SNTG1: variants seen among roughly 807,000 people sequenced by gnomAD.
SNTG1 encodes the protein syntrophin gamma 1.
A neutral mutation model predicts 74.7 loss-of-function variants in SNTG1; 39 were observed. The ratio of observed to expected loss-of-function variants is 0.52; its 90% CI spans 0.40 to 0.68. The LOEUF (loss-of-function observed/expected upper bound fraction) is 0.68, where lower values mean the gene tolerates loss of function less well. SNTG1 is among the 30% of genes least tolerant of loss of function. The probability of loss-of-function intolerance (pLI) is 0.00; values close to 1 mark genes in which losing one functional copy is unlikely to be tolerated. For synonymous variants in SNTG1, 254 were observed against 217.1 expected (o/e 1.17, Z -1.49); for missense variants, 685 against 609.5 (o/e 1.12, Z -1.30).
At chr8:50,715,032 G>C (rs1201278516) in intron 17 of SNTG1, among the ~76,000 whole-genome samples, 1 of 152,066 alleles carries the variant, frequency 6.6e-6, no homozygotes, top group Middle Eastern at 3.2e-3. Flanking sequence ...AAAATTCCAT[G>C]ATTCTAAAAA....
At chr8:50,424,000 C>T (rs139364988) in intron 4 of SNTG1, among the ~76,000 whole-genome samples, 19 of 152,226 alleles carry the variant, frequency 1.2e-4, no homozygotes, top group Middle Eastern at 3.4e-3. Flanking sequence ...ACTGATGGAA[C>T]CTGTGTTTAA....
chr8:50,401,336 T>C (rs1419183106), intron 3 of SNTG1, among the ~76,000 whole-genome samples: 1 of 152,218 alleles, frequency 6.6e-6, no homozygotes, highest in African/African-American at 2.4e-5. Context: ...ATATTTATAT[T>C]AATCCAGGTT....
At chr8:50,455,299 C>A (rs1037212208) in intron 8 of SNTG1, among the ~76,000 whole-genome samples, 1 of 152,132 alleles carries the variant, frequency 6.6e-6, no homozygotes, top group Non-Finnish European at 1.5e-5. Flanking sequence ...TTTAAAGTAG[C>A]ATTTCTGCTT....
At chr8:50,100,978 G>A (rs1223055723) in intron 1 of SNTG1, among the ~76,000 whole-genome samples, 1 of 151,852 alleles carries the variant, frequency 6.6e-6, no homozygotes, top group Non-Finnish European at 1.5e-5. Context: ...TATTTTCTTT[G>A]TGTCCACGTG....
chr8:50,452,248 A>G (rs1249285121), intron 8 of SNTG1, among the ~76,000 whole-genome samples: 1 of 152,226 alleles, frequency 6.6e-6, no homozygotes, highest in East Asian at 1.9e-4. Context: ...CATGTAAAAT[A>G]TACATATTTC....
chr8:50,509,972 A>T (rs1221130342), intron 9 of SNTG1, among the ~76,000 whole-genome samples: 1 of 152,174 alleles, frequency 6.6e-6, no homozygotes, highest in Non-Finnish European at 1.5e-5. Flanking sequence ...GAGTGGTGAG[A>T]GAGCATCCCT....
At chr8:50,036,185 T>C (rs938026903) in intron 1 of SNTG1, among the ~76,000 whole-genome samples, 3 of 152,150 alleles carry the variant, frequency 2.0e-5, no homozygotes, top group Non-Finnish European at 2.9e-5. Context: ...ATTTCACAGA[T>C]AGGCTTTGAC....
At chr8:50,627,316 A>C (rs2094962983) in intron 13 of SNTG1, among the ~76,000 whole-genome samples, 3 of 152,206 alleles carry the variant, frequency 2.0e-5, no homozygotes, top group Admixed American at 2.0e-4. Flanking sequence ...ATCATAGATA[A>C]TAAAAAACCA....
At position 50,719,891 on chromosome 8, in the gene SNTG1, T is replaced by C. The variant is rs148575763; in HGVS notation, c.1284+10913T>C. Among the ~76,000 whole-genome samples the C allele has an allele frequency of 1.8e-3, 267 of 152,334 alleles. 2 individuals carry two copies. Among genetic ancestry groups the C allele is most frequent in the Middle Eastern group, 6.8e-3 (2 of 294 alleles). On this transcript the variant is annotated intron_variant, in intron 17 of 18. Coordinates refer to ENST00000642720, the MANE Select transcript of SNTG1 (RefSeq NM_018967.5). ...TTCTCCTTAATAGATTTCAAATAAATTCTCAAAGTGAAGACCTGTATACTC... is the reference window on the plus strand; with the variant it reads ...TTCTCCTTAATAGATTTCAAATAAACTCTCAAAGTGAAGACCTGTATACTC...
intron 1 of SNTG1, among the ~76,000 whole-genome samples, chr8:50,154,719 T>G (rs560277989): frequency 6.6e-6 from 1 of 152,294 alleles, no homozygotes; most frequent in Admixed American, 6.5e-5. Flanking sequence ...ATAAATCACC[T>G]GGCCTATACT....
chr8:50,562,611 G>T (rs1294260019), intron 12 of SNTG1, among the ~76,000 whole-genome samples: 1 of 152,110 alleles, frequency 6.6e-6, no homozygotes, highest in African/African-American at 2.4e-5. Flanking sequence ...AAATGTGTGG[G>T]TTTTTCTTAA....
intron 2 of SNTG1, among the ~76,000 whole-genome samples, chr8:50,393,033 A>G (rs1425193235): frequency 1.3e-5 from 2 of 151,834 alleles, no homozygotes; most frequent in Non-Finnish European, 2.9e-5. Context: ...ACAGTTAGAG[A>G]CAAGAAGATA....
At chr8:50,188,052 G>A (rs1298744565) in intron 2 of SNTG1, among the ~76,000 whole-genome samples, 1 of 152,124 alleles carries the variant, frequency 6.6e-6, no homozygotes, top group East Asian at 1.9e-4. Context: ...TGGTGAAAGA[G>A]CCTGGCTGAC....
chr8:50,087,334 C>T (rs1563573091), intron 1 of SNTG1, among the ~76,000 whole-genome samples: 1 of 152,142 alleles, frequency 6.6e-6, no homozygotes, highest in Non-Finnish European at 1.5e-5. Context: ...AATTACCCCT[C>T]GGCTTTGGTA....
At chr8:50,470,934 T>G (rs2093648607) in intron 8 of SNTG1, among the ~76,000 whole-genome samples, 1 of 152,170 alleles carries the variant, frequency 6.6e-6, no homozygotes, top group Non-Finnish European at 1.5e-5. Context: ...AATTTGTCCA[T>G]TTTACAGAGT....
At chr8:49,913,895 C>T (rs372745761) in intron 1 of SNTG1, among the ~76,000 whole-genome samples, 29 of 152,258 alleles carry the variant, frequency 1.9e-4, no homozygotes, top group South Asian at 8.3e-4. Context: ...TGTATATGGC[C>T]GCAGTTCCCT....
chr8:50,147,804 T>C (rs1458301939), intron 1 of SNTG1, among the ~76,000 whole-genome samples: 4 of 152,328 alleles, frequency 2.6e-5, no homozygotes, highest in African/African-American at 9.6e-5. Flanking sequence ...GCATGGGATC[T>C]AGAAGCACTG....
intron 17 of SNTG1, among the ~76,000 whole-genome samples, chr8:50,719,698 T>C (rs1400581715): frequency 6.6e-6 from 1 of 152,186 alleles, no homozygotes; most frequent in African/African-American, 2.4e-5. Flanking sequence ...GTGCTGGTGC[T>C]TTCTTTACCA....
chr8:50,091,422 C>T (rs2079732665), intron 1 of SNTG1, among the ~76,000 whole-genome samples: 1 of 152,076 alleles, frequency 6.6e-6, no homozygotes, highest in Non-Finnish European at 1.5e-5. Flanking sequence ...TACATAACTT[C>T]ATTGAGAAAC....
Sources: allele counts gnomAD v4.1 joint callset (sites outside exome capture counted in the v4.1 genomes callset), GRCh38; gene constraint gnomAD v4.1.1; transcripts MANE v1.5; gene names NCBI Gene and HGNC (gene_info 2026-07-23, HGNC 2026-07-21).